Variants in ZNF233 observed in about 807,000 individuals in gnomAD.
The protein encoded by ZNF233 is zinc finger protein 233.
ZNF233 carries 7 observed loss-of-function variants against 11.6 expected under a neutral mutation model. The observed-to-expected ratio is 0.60, with a 90% confidence interval of 0.34 to 1.13. ZNF233 has a LOEUF of 1.13. ZNF233 is among the 50% of genes most tolerant of loss of function. ZNF233 has a pLI of 0.03. For synonymous variants in ZNF233, 226 were observed against 268.5 expected (o/e 0.84, Z 1.55); for missense variants, 711 against 785.5 (o/e 0.91, Z 1.13).
chr19:44,266,045 G>A (rs936792249), intron 2 of ZNF233, 153 bp from the exon 3 acceptor site: 2 of 695,450 alleles, frequency 2.9e-6, no homozygotes, highest in Admixed American at 3.5e-5. Context: ...ATTGGCATGT[G>A]GGATGGAGAA....
At chr19:44,270,346 TAAAA>T (rs398034740) in intron 4 of ZNF233, among the ~76,000 whole-genome samples, 101 of 72,728 alleles carry the variant, frequency 1.4e-3, no homozygotes, top group African/African-American at 5.6e-3. Context: ...CCATCTATAC[TAAAA>T]AAAAAAAAAA....
At chr19:44,266,717 C>A (rs1475971570) in intron 3 of ZNF233, 149 bp from the exon 4 acceptor site, 4 of 539,524 alleles carry the variant, frequency 7.4e-6, no homozygotes, top group Non-Finnish European at 1.3e-5. Flanking sequence ...ATTTGTGTAC[C>A]GGATCACAAA....
chr19:44,266,082 C>G lies in ZNF233; in HGVS notation c.16-116C>G, dbSNP rs189211882. ...ACGAGGAAGCTACTTAAAGTTCATT[C>G]GAGGCCCTCACAATCCAGAACGTCT... On this transcript the variant is annotated intron_variant, in intron 2 of 4. Coordinates refer to ENST00000683810, the MANE Select transcript of ZNF233 (RefSeq NM_001207005.2). 144 of 1,163,534 alleles carry G rather than the reference C, an allele frequency of 1.2e-4. No individual in the cohort carries two copies. In the African/African-American group the frequency reaches 2.1e-3, roughly 17 times the overall value. The allele number at this position is 1,163,534 out of a possible 1,614,324, so 72.1% of individuals were successfully genotyped here. A position where few individuals can be genotyped will look rare whatever the true frequency, so the allele number is the denominator to read the frequency against.
At chr19:44,268,753 G>T (rs1975161166) in intron 4 of ZNF233, among the ~76,000 whole-genome samples, 2 of 152,214 alleles carry the variant, frequency 1.3e-5, no homozygotes, top group South Asian at 4.2e-4. Flanking sequence ...CAACCTCCCT[G>T]TTCTGCTTTC....
Position 44,273,701 on chromosome 19 carries a change from T to C in ZNF233, c.1041T>C (p.Tyr347=). ...TGENLYRCQV[Y]ARSSNQNSCL... is the part of the protein sequence containing the mutation. ...AGAACCTCTACAGATGTCAGGTATATGCCCGGAGCTCCAACCAGAACTCCT... is the reference window on the plus strand; with the variant it reads ...AGAACCTCTACAGATGTCAGGTATACGCCCGGAGCTCCAACCAGAACTCCT... Residue 347 remains tyrosine (Y), a synonymous_variant, in exon 5 of 5, where the codon TAT becomes TAC. Coordinates refer to ENST00000683810, the MANE Select transcript of ZNF233 (RefSeq NM_001207005.2). 6.2e-7 allele frequency: 1 copy of C among 1,614,168 alleles called. No homozygotes were observed. Among genetic ancestry groups the C allele is most frequent in the East Asian group, 2.2e-5 (1 of 44,874 alleles).
chr19:44,274,821 C>G lies in ZNF233; in HGVS notation c.*148C>G. On this transcript the variant is annotated 3_prime_UTR_variant, in exon 5 of 5. Transcript: ENST00000683810. Reference sequence around the variant, plus strand: ...TCATGAGCTGAGTTTTTATAGTTATCTGAATTCCATTGAAGAAAACCTATT... The same window carrying G: ...TCATGAGCTGAGTTTTTATAGTTATGTGAATTCCATTGAAGAAAACCTATT... 1.5e-6 allele frequency: 1 copy of G among 686,388 alleles called. No individual in the cohort carries two copies. Among genetic ancestry groups the G allele is most frequent in the Non-Finnish European group, 2.3e-6 (1 of 443,312 alleles). 42.5% of individuals were successfully genotyped at this position (686,388 alleles called of 1,614,324 possible).
intron 1 of ZNF233, among the ~76,000 whole-genome samples, chr19:44,261,607 T>A (rs1974938266): frequency 6.6e-6 from 1 of 151,954 alleles, no homozygotes. Context: ...GGGTTTACAT[T>A]ATCCACAGTC....
chr19:44,273,111 G>A lies in ZNF233; in HGVS notation c.451G>A (p.Val151Ile). Residue 151 changes from valine (V) to isoleucine (I), a missense_variant, in exon 5 of 5, where the codon GTC becomes ATC. Transcript: ENST00000683810. ...GGTGTGGACAGGAGAATCTAGTCAGGTCTCTGAAGATGAGAACTATGTAAT... is the reference window on the plus strand; with the variant it reads ...GGTGTGGACAGGAGAATCTAGTCAGATCTCTGAAGATGAGAACTATGTAAT... ...CQVWTGESSQVSEDENYVIKL... is the reference protein window; with the variant it reads ...CQVWTGESSQISEDENYVIKL... 6.2e-7 allele frequency: 1 copy of A among 1,614,034 alleles called. No homozygotes were observed. Among genetic ancestry groups the A allele is most frequent in the Non-Finnish European group, 8.5e-7 (1 of 1,180,010 alleles).
rs563515137 is a variant in ZNF233 at position 44,274,932 on chromosome 19, T to C, written c.*259T>C. 7 of 443,562 alleles carry C rather than the reference T, an allele frequency of 1.6e-5. No homozygotes were observed. The highest frequency in any genetic ancestry group is 2.8e-5 in the Non-Finnish European group (7 of 252,194). The allele number at this position is 443,562 out of a possible 1,614,324, so 27.5% of individuals were successfully genotyped here. On this transcript the variant is annotated 3_prime_UTR_variant, in exon 5 of 5. Transcript: ENST00000683810. The stretch of plus-strand genomic sequence containing the variant: ...CACAACAGAGAAACCCTATAAAGAA[T>C]GATACAATATGTTTCAATCAGAACC...
At position 44,275,082 on chromosome 19, in the gene ZNF233, G is replaced by A. The variant is rs1226526084; in HGVS notation, c.*409G>A. On this transcript the variant is annotated 3_prime_UTR_variant, in exon 5 of 5. Transcript: ENST00000683810. ...TCCACTAGAATCTAAGCTCCATGCAGGAACATTGTTTACTGCTGCATGATC... is the reference window on the plus strand; with the variant it reads ...TCCACTAGAATCTAAGCTCCATGCAAGAACATTGTTTACTGCTGCATGATC... 1.5e-5 allele frequency: 6 copies of A among 403,270 alleles called. No homozygotes were observed. Among genetic ancestry groups the A allele is most frequent in the Non-Finnish European group, 2.6e-5 (6 of 228,732 alleles). The allele number at this position is 403,270 out of a possible 1,614,324, so 25.0% of individuals were successfully genotyped here.
At chr19:44,266,992 G>A (rs766457209) in intron 4 of ZNF233, 31 bp downstream of exon 4, 2 of 1,568,416 alleles carry the variant, frequency 1.3e-6, no homozygotes, top group Non-Finnish European at 1.8e-6. Context: ...AGTCTTTGCG[G>A]GGTACAGCCT....
At chr19:44,265,429 GT>G (rs200379312) in intron 2 of ZNF233, among the ~76,000 whole-genome samples, 2 of 141,344 alleles carry the variant, frequency 1.4e-5, no homozygotes, top group East Asian at 2.0e-4. Context: ...CTTTTCTTTT[GT>G]TTTTTTTTGA....
Position 44,274,110 on chromosome 19 carries a change from G to A in ZNF233, c.1450G>A (p.Val484Met). ...TGGAGAGAAACCCTACAAATGTGAT[G>A]TGTGTGATAAGAACTTCAGCCGTAA... Reference protein sequence around the residue: ...HTGEKPYKCDVCDKNFSRNSH... With the variant: ...HTGEKPYKCDMCDKNFSRNSH... Residue 484 changes from valine to methionine, a missense_variant, in exon 5 of 5, where the codon GTG becomes ATG. Transcript: ENST00000683810. 4 of 1,613,900 alleles carry A rather than the reference G, an allele frequency of 2.5e-6. No individual in the cohort carries two copies. The highest frequency in any genetic ancestry group is 3.4e-6 in the Non-Finnish European group (4 of 1,179,928).
intron 4 of ZNF233, among the ~76,000 whole-genome samples, chr19:44,270,721 C>T (rs1429927941): frequency 6.6e-6 from 1 of 152,138 alleles, no homozygotes; most frequent in Non-Finnish European, 1.5e-5. Context: ...AAGGTGGGCT[C>T]GTTCACATGG....
chr19:44,262,472 T>C (rs1038123665), intron 1 of ZNF233, among the ~76,000 whole-genome samples: 1 of 152,200 alleles, frequency 6.6e-6, no homozygotes, highest in African/African-American at 2.4e-5. Flanking sequence ...CCATTTGTTT[T>C]TTTCTACTAA....
At chr19:44,264,919 T>A (rs1219180561) in intron 2 of ZNF233, among the ~76,000 whole-genome samples, 1 of 152,238 alleles carries the variant, frequency 6.6e-6, no homozygotes, top group Admixed American at 6.5e-5. Context: ...GCAAGACTTT[T>A]TCATGGGGCT....
chr19:44,269,468 G>C (rs1371278974), intron 4 of ZNF233, among the ~76,000 whole-genome samples: 4 of 151,776 alleles, frequency 2.6e-5, no homozygotes, highest in African/African-American at 9.7e-5. Flanking sequence ...GCTAATTTTT[G>C]TATTTTTAGT....
chr19:44,261,567 G>A (rs1974936999), intron 1 of ZNF233, among the ~76,000 whole-genome samples: 1 of 151,702 alleles, frequency 6.6e-6, no homozygotes, highest in African/African-American at 2.4e-5. Context: ...GTAAATACCT[G>A]ACACTGCTAT....
Position 44,266,218 on chromosome 19 carries a change from T to C in ZNF233, c.36T>C (p.Asp12=). The change falls in exon 3 of 5, where the codon GAT becomes GAC. Residue 12 remains aspartate (D), a synonymous_variant. Coordinates refer to ENST00000683810, the MANE Select transcript of ZNF233 (RefSeq NM_001207005.2). ...TKFQEMVTFK[D]VAVVFTREEL... is the part of the protein sequence containing the mutation. ...TGTAGGAGATGGTGACATTCAAGGA[T>C]GTGGCTGTGGTCTTCACCAGGGAGG... 3 of 1,611,526 alleles carry C rather than the reference T, an allele frequency of 1.9e-6. No homozygotes were observed. Among genetic ancestry groups the C allele is most frequent in the Non-Finnish European group, 2.5e-6 (3 of 1,178,592 alleles).
Sources: gnomAD v4.1 joint callset for allele counts (sites outside exome capture counted in the v4.1 genomes callset) on GRCh38, gnomAD v4.1.1 for gene constraint, MANE v1.5 for transcripts, NCBI Gene and HGNC (gene_info 2026-07-23, HGNC 2026-07-21) for gene names.